The following PDSS2 variants were observed in gnomAD, a reference collection of about 807,000 sequenced individuals.
PDSS2 encodes the protein decaprenyl diphosphate synthase subunit 2, also known as all trans-polyprenyl-diphosphate synthase PDSS2.
A neutral mutation model predicts 44.5 loss-of-function variants in PDSS2; 31 were observed. That is an observed-to-expected ratio of 0.70 (90% CI 0.52 to 0.94). The LOEUF (loss-of-function observed/expected upper bound fraction) is 0.94, where lower values mean the gene tolerates loss of function less well. Among genes scored for constraint, PDSS2 ranks in the 40% least tolerant of loss-of-function variants. The pLI is 0.00. For synonymous variants in PDSS2, 157 were observed against 180.3 expected, an observed-to-expected ratio of 0.87 and a Z score of 1.03; for missense variants, 452 against 482.2, an observed-to-expected ratio of 0.94 and a Z score of 0.59.
At chr6:107,184,642 G>T (rs1772100824) in intron 7 of PDSS2, among the ~76,000 whole-genome samples, 1 of 152,200 alleles carries the variant, frequency 6.6e-6, no homozygotes, top group Non-Finnish European at 1.5e-5. Context: ...TGGGGGTGAA[G>T]AGGACAGAGG....
intron 1 of PDSS2, among the ~76,000 whole-genome samples, chr6:107,409,679 T>G (rs1247959261): frequency 6.6e-6 from 1 of 152,182 alleles, no homozygotes; most frequent in Non-Finnish European, 1.5e-5. Flanking sequence ...TTAACTAACA[T>G]TATGTGCTTA....
At chr6:107,433,287 GA>G (rs1305770638) in intron 1 of PDSS2, among the ~76,000 whole-genome samples, 1 of 151,234 alleles carries the variant, frequency 6.6e-6, no homozygotes, top group Non-Finnish European at 1.5e-5. Flanking sequence ...AATTTATATG[GA>G]ACCACAAAAG....
At chr6:107,361,628 A>T (rs1778775154) in intron 1 of PDSS2, among the ~76,000 whole-genome samples, 1 of 152,170 alleles carries the variant, frequency 6.6e-6, no homozygotes, top group Non-Finnish European at 1.5e-5. Flanking sequence ...ATTACTCAAC[A>T]TAAAACATAG....
At chr6:107,240,253 T>A (rs1774373146) in intron 4 of PDSS2, among the ~76,000 whole-genome samples, 1 of 152,024 alleles carries the variant, frequency 6.6e-6, no homozygotes, top group Non-Finnish European at 1.5e-5. Context: ...ACAAAAGTTT[T>A]AAAAAATTAG....
At chr6:107,456,908 G>A (rs892405545) in intron 1 of PDSS2, among the ~76,000 whole-genome samples, 2 of 149,528 alleles carry the variant, frequency 1.3e-5, no homozygotes, top group African/African-American at 4.9e-5. Context: ...GATGGACTGA[G>A]GAGTACACAT....
At chr6:107,170,616 CCCCA>C (rs797027438) in intron 7 of PDSS2, among the ~76,000 whole-genome samples, 6,108 of 104,772 alleles carry the variant, frequency 0.058, 447 homozygotes, top group African/African-American at 0.19. Flanking sequence ...ACCCCCCCCC[CCCCA>C]CTTTTTTTTT....
At chr6:107,172,552 G>A (rs1168355482) in intron 7 of PDSS2, among the ~76,000 whole-genome samples, 14 of 152,004 alleles carry the variant, frequency 9.2e-5, no homozygotes, top group African/African-American at 2.4e-4. Context: ...GTGAAACTCC[G>A]TCTCAAAATA....
intron 1 of PDSS2, among the ~76,000 whole-genome samples, chr6:107,369,171 G>A (rs1000952485): frequency 6.6e-6 from 1 of 152,204 alleles, no homozygotes; most frequent in African/African-American, 2.4e-5. Context: ...TGTAATCCTA[G>A]CACTTTGGGA....
intron 1 of PDSS2, among the ~76,000 whole-genome samples, chr6:107,441,861 G>C (rs966018384): frequency 2.0e-5 from 3 of 152,108 alleles, no homozygotes; most frequent in African/African-American, 7.2e-5. Context: ...CAACACTCAA[G>C]CAGGCTCAAA....
intron 1 of PDSS2, among the ~76,000 whole-genome samples, chr6:107,386,761 C>T (rs1195850050): frequency 2.0e-5 from 3 of 152,156 alleles, no homozygotes; most frequent in Non-Finnish European, 2.9e-5. Context: ...AAATATTTTC[C>T]AAAGGCTTAA....
chr6:107,200,665 A>ATAT (rs970398348), intron 6 of PDSS2, among the ~76,000 whole-genome samples: 100 of 151,760 alleles, frequency 6.6e-4, no homozygotes, highest in Middle Eastern at 6.8e-3. Flanking sequence ...GCAGAGCAAG[A>ATAT]TATTATTATT....
chr6:107,285,826 T>G (rs1035900394), intron 2 of PDSS2, among the ~76,000 whole-genome samples: 2 of 152,058 alleles, frequency 1.3e-5, no homozygotes, highest in African/African-American at 4.8e-5. Context: ...GAATAGGAAC[T>G]CAGGAAGCTA....
At chr6:107,235,765 T>C (rs934047613) in intron 4 of PDSS2, among the ~76,000 whole-genome samples, 1 of 152,094 alleles carries the variant, frequency 6.6e-6, no homozygotes, top group Non-Finnish European at 1.5e-5. Flanking sequence ...ATATAATTAG[T>C]AGACAGGGAT....
chr6:107,403,312 C>T (rs549533220), intron 1 of PDSS2, among the ~76,000 whole-genome samples: 1 of 152,338 alleles, frequency 6.6e-6, no homozygotes, highest in African/African-American at 2.4e-5. Flanking sequence ...GGTAGGCTCC[C>T]ACCGTCTTGG....
intron 1 of PDSS2, among the ~76,000 whole-genome samples, chr6:107,386,294 A>G (rs928558016): frequency 6.6e-6 from 1 of 152,012 alleles, no homozygotes; most frequent in Non-Finnish European, 1.5e-5. Flanking sequence ...GGAACAGTGG[A>G]CTCAAAAATT....
chr6:107,419,524 A>C (rs911079668), intron 1 of PDSS2, among the ~76,000 whole-genome samples: 10 of 152,198 alleles, frequency 6.6e-5, no homozygotes, highest in Non-Finnish European at 8.8e-5. Flanking sequence ...CCTTATGATA[A>C]TACTACTAAA....
intron 2 of PDSS2, among the ~76,000 whole-genome samples, chr6:107,326,658 C>T (rs913904705): frequency 1.3e-5 from 2 of 151,782 alleles, no homozygotes; most frequent in East Asian, 2.0e-4. Context: ...TCAATACCAC[C>T]CTGGCCAACA....
intron 3 of PDSS2, among the ~76,000 whole-genome samples, chr6:107,260,983 T>A (rs944011861): frequency 2.0e-5 from 3 of 152,080 alleles, no homozygotes; most frequent in Non-Finnish European, 4.4e-5. Context: ...TTCATGGACA[T>A]TTGCTAGATC....
chr6:107,298,313 C>T (rs376652670), intron 2 of PDSS2, among the ~76,000 whole-genome samples: 19 of 152,004 alleles, frequency 1.2e-4, no homozygotes, highest in South Asian at 4.2e-4. Context: ...GTACTGAACA[C>T]GAGCAGACTT....
Sources: allele counts gnomAD v4.1 joint callset (sites outside exome capture counted in the v4.1 genomes callset), GRCh38; gene constraint gnomAD v4.1.1; transcripts MANE v1.5; gene names NCBI Gene and HGNC (gene_info 2026-07-23, HGNC 2026-07-21).